The following LUZP2 variants were observed in gnomAD, a reference collection of about 807,000 sequenced individuals.
LUZP2 encodes the protein leucine zipper protein 2.
Under a neutral mutation model 51.6 loss-of-function variants are expected in LUZP2, and 52 were observed. That is an observed-to-expected ratio of 1.01 (90% CI 0.81 to 1.27). LUZP2 has a LOEUF of 1.27. LUZP2 is among the 50% of genes most tolerant of loss of function. The probability of loss-of-function intolerance (pLI) is 0.00; values close to 1 mark genes in which losing one functional copy is unlikely to be tolerated. For missense variants in LUZP2, 436 were observed against 395.4 expected (o/e 1.10, Z -0.87); for synonymous variants, 154 against 137.3 (o/e 1.12, Z -0.85).
intron 7 of LUZP2, among the ~76,000 whole-genome samples, chr11:24,947,194 A>G (rs1854924871): frequency 6.6e-6 from 1 of 152,050 alleles, no homozygotes; most frequent in South Asian, 2.1e-4. Flanking sequence ...TAATTTTGAA[A>G]AATGAGCATA....
intron 5 of LUZP2, among the ~76,000 whole-genome samples, chr11:24,879,799 C>G (rs1389862237): frequency 6.6e-6 from 1 of 152,118 alleles, no homozygotes; most frequent in East Asian, 1.9e-4. Context: ...TACTGGTGCC[C>G]TATTCTGTGG....
intron 7 of LUZP2, among the ~76,000 whole-genome samples, chr11:24,959,848 T>G (rs1439428718): frequency 6.6e-6 from 1 of 152,208 alleles, no homozygotes; most frequent in African/African-American, 2.4e-5. Flanking sequence ...AAGGGAATGC[T>G]TCCAGTTTTT....
chr11:24,900,882 AAATTT>A (rs1466191101), intron 5 of LUZP2, among the ~76,000 whole-genome samples: 2 of 152,162 alleles, frequency 1.3e-5, no homozygotes, highest in Non-Finnish European at 2.9e-5. Context: ...TCAAACTGTT[AAATTT>A]AATTTGTCTA....
intron 9 of LUZP2, among the ~76,000 whole-genome samples, chr11:25,032,880 A>G (rs11827720): frequency 0.47 from 71,823 of 151,998 alleles, 17,463 homozygotes; most frequent in Non-Finnish European, 0.51. Context: ...AAGTTAGATC[A>G]AAGAAAAATT....
chr11:25,058,461 G>C (rs1590884915), intron 10 of LUZP2, among the ~76,000 whole-genome samples: 1 of 152,072 alleles, frequency 6.6e-6, no homozygotes, highest in Non-Finnish European at 1.5e-5. Context: ...AGCATAATCT[G>C]ATAAATAATT....
chr11:24,809,921 A>G (rs1298381035), intron 5 of LUZP2, among the ~76,000 whole-genome samples: 1 of 152,196 alleles, frequency 6.6e-6, no homozygotes, highest in East Asian at 1.9e-4. Flanking sequence ...ATATAGTTAT[A>G]TAATAGGGAA....
intron 1 of LUZP2, among the ~76,000 whole-genome samples, chr11:24,628,094 C>A (rs1306906043): frequency 6.6e-6 from 1 of 152,066 alleles, no homozygotes; most frequent in Non-Finnish European, 1.5e-5. Flanking sequence ...CTGGAAGGAG[C>A]AGGGTTGCAT....
chr11:24,622,118 TC>T (rs1195332970), intron 1 of LUZP2, among the ~76,000 whole-genome samples: 1 of 151,806 alleles, frequency 6.6e-6, no homozygotes, highest in Non-Finnish European at 1.5e-5. Context: ...TTTTTGTATT[TC>T]TTTTTTTTTT....
intron 5 of LUZP2, among the ~76,000 whole-genome samples, chr11:24,866,407 A>T (rs547822940): frequency 2.0e-5 from 3 of 152,144 alleles, no homozygotes; most frequent in Non-Finnish European, 4.4e-5. Context: ...TCAATATGCT[A>T]TTGGCCATGA....
At position 25,061,176 on chromosome 11, in the gene LUZP2, G is replaced by A. The variant is rs112825687; in HGVS notation, c.858+11046G>A. ...TTCCTGCCTTACTGTGGGACTCCCA[G>A]TAATGACTAGAGACATCACAGGATT... is the stretch of plus-strand genomic sequence containing the variant. On this transcript the variant is annotated intron_variant, in intron 10 of 11. Coordinates refer to ENST00000336930, the MANE Select transcript of LUZP2 (RefSeq NM_001009909.4). Among the ~76,000 whole-genome samples the A allele has an allele frequency of 7.9e-3, 1,198 of 152,254 alleles. 15 individuals are homozygous for A. The highest frequency in any genetic ancestry group is 0.028 in the African/African-American group (1,144 of 41,542).
rs1235564973 is a variant in LUZP2, at chr11:24,996,561, T to G, written c.765+13268T>G. On this transcript the variant is annotated intron_variant, in intron 9 of 11. Transcript: ENST00000336930. Reference sequence around the variant, plus strand: ...GTTACAATTATTCAGATATTATTTTTCTTTTTTCTTTTTTTATTTTATTTT... The same window carrying G: ...GTTACAATTATTCAGATATTATTTTGCTTTTTTCTTTTTTTATTTTATTTT... Among the ~76,000 whole-genome samples, 4 of 150,536 alleles carry G rather than the reference T, an allele frequency of 2.7e-5. No homozygotes were observed. In the East Asian group the frequency reaches 7.7e-4, roughly 29 times the overall value.
chr11:24,961,944 T>C (rs1283869824), intron 7 of LUZP2, among the ~76,000 whole-genome samples: 4 of 152,026 alleles, frequency 2.6e-5, no homozygotes, highest in Non-Finnish European at 4.4e-5. Context: ...GCAGGCCTGG[T>C]GGTGACAAAA....
At chr11:24,604,287 A>C (rs1176957976) in intron 1 of LUZP2, among the ~76,000 whole-genome samples, 1 of 151,804 alleles carries the variant, frequency 6.6e-6, no homozygotes, top group East Asian at 1.9e-4. Flanking sequence ...GCACATTACT[A>C]TGTGATGGAT....
intron 1 of LUZP2, among the ~76,000 whole-genome samples, chr11:24,688,000 T>C (rs2133883122): frequency 6.6e-6 from 1 of 152,214 alleles, no homozygotes; most frequent in South Asian, 2.1e-4. Flanking sequence ...TTTCTCTCTC[T>C]CTGGCTCTCT....
intron 5 of LUZP2, among the ~76,000 whole-genome samples, chr11:24,765,636 T>C (rs1860161372): frequency 6.7e-6 from 1 of 149,812 alleles, no homozygotes; most frequent in Non-Finnish European, 1.5e-5. Context: ...TTTCTTTTTT[T>C]TTTTTTTTTG....
chr11:24,593,130 TAGAC>T (rs1565013568), intron 1 of LUZP2, among the ~76,000 whole-genome samples: 1 of 152,176 alleles, frequency 6.6e-6, no homozygotes, highest in Non-Finnish European at 1.5e-5. Context: ...CTCAAAAGCT[TAGAC>T]AGTCCATTTT....
At chr11:25,044,986 A>T (rs1461950899) in intron 9 of LUZP2, among the ~76,000 whole-genome samples, 11 of 142,158 alleles carry the variant, frequency 7.7e-5, no homozygotes, top group Admixed American at 7.6e-4. Context: ...ACATGTTCTC[A>T]CTCATAGGTG....
rs1365619471 is a variant in LUZP2, at chr11:24,926,374, C to CGT, written c.522+11841_522+11842dup. ...ATATATACGTGTGTATATATATATA[C>CGT]GTGTGTATATATATACGTGTGTATA... is the stretch of plus-strand genomic sequence containing the variant. On this transcript the variant is annotated intron_variant, in intron 7 of 11. Transcript: ENST00000336930. Among the ~76,000 whole-genome samples the CGT allele has an allele frequency of 2.9e-4, 6 of 20,472 alleles. 1 individual carries two copies. The highest frequency in any genetic ancestry group is 7.6e-4 in the African/African-American group (3 of 3,958). 13.4% of individuals were successfully genotyped at this position (20,472 alleles called of 152,430 possible).
chr11:24,827,203 T>A (rs2134170908), intron 5 of LUZP2, among the ~76,000 whole-genome samples: 1 of 152,312 alleles, frequency 6.6e-6, no homozygotes, highest in East Asian at 1.9e-4. Context: ...TAGCATTTAA[T>A]TACCAATGAA....
Sources: allele counts gnomAD v4.1 joint callset (sites outside exome capture counted in the v4.1 genomes callset), GRCh38; gene constraint gnomAD v4.1.1; transcripts MANE v1.5; gene names NCBI Gene and HGNC (gene_info 2026-07-23, HGNC 2026-07-21).